PIK3C2B: variants seen among roughly 807,000 people sequenced by gnomAD.
PIK3C2B encodes the protein phosphatidylinositol 4-phosphate 3-kinase C2 domain-containing subunit beta.
Under a neutral mutation model 184.3 loss-of-function variants are expected in PIK3C2B, and 83 were observed. The ratio of observed to expected loss-of-function variants is 0.45; its 90% CI spans 0.38 to 0.54. The LOEUF (loss-of-function observed/expected upper bound fraction) is 0.54, where lower values mean the gene tolerates loss of function less well. PIK3C2B is among the 20% of genes least tolerant of loss of function. PIK3C2B has a pLI of 0.00. For missense variants in PIK3C2B, 1,736 were observed against 2,113.5 expected (o/e 0.82, Z 3.50); for synonymous variants, 779 against 837.6 (o/e 0.93, Z 1.21).
rs781191472 is a variant in PIK3C2B, at chr1:204,446,063, G to A, written c.2571C>T (p.Leu857=). The change falls in exon 16 of 33, where the codon CTC becomes CTT. Residue 857 remains leucine (L), a synonymous_variant. Transcript: ENST00000684373. ...HSEVSSLPLV[L]ASAPSWEWAC... ...CCCACTCCCAGCTGGGGGCGCTGGC[G>A]AGCACCAGGGGGAGCGAGCTCACCT... The A allele has an allele frequency of 1.2e-5, 20 of 1,600,842 alleles. No homozygotes were observed. Among genetic ancestry groups the A allele is most frequent in the East Asian group, 2.3e-5 (1 of 44,410 alleles).
chr1:204,461,669 G>A (rs147868041), intron 5 of PIK3C2B, among the ~76,000 whole-genome samples: 6 of 152,256 alleles, frequency 3.9e-5, no homozygotes, highest in East Asian at 1.9e-4. Context: ...CCAAATCTCC[G>A]ATCTAGACCC....
In PIK3C2B at chr1:204,449,283, C is replaced by T. The variant is rs114917235; in HGVS notation, c.2248G>A (p.Gly750Ser). 1,079 of 1,610,920 alleles carry T rather than the reference C, an allele frequency of 6.7e-4. 3 individuals are homozygous for T. Among genetic ancestry groups the T allele is most frequent in the Admixed American group, 1.7e-3 (102 of 59,574 alleles). Residue 750 changes from glycine to serine, a missense_variant, in exon 14 of 33, where the codon GGC becomes AGC. Gly to Ser is a moderately conservative substitution (Grantham distance 56). Transcript: ENST00000684373. ...GGCCACAAACCCAGAAGCTTCCGGC[C>T]ACAGGTCAGGACCCTAAGAAGGAGG... Reference protein sequence around the residue: ...LFNFRQVLTCGRKLLGLWPAT... With the variant: ...LFNFRQVLTCSRKLLGLWPAT...
At chr1:204,457,217 ATGGTTTG>A in intron 9 of PIK3C2B, 147 bp from the exon 10 acceptor site, 1 of 677,938 alleles carries the variant, frequency 1.5e-6, no homozygotes, top group Non-Finnish European at 2.6e-6. Flanking sequence ...GGAGAGAGTA[ATGGTTTG>A]TACCAGATCT....
At position 204,469,565 on chromosome 1, in the gene PIK3C2B, G is replaced by A. The variant is rs1008605326; in HGVS notation, c.238C>T (p.Leu80=). The part of the protein sequence containing the change: ...KPAGRRTDLK[L]LRGLSGSDPT... ...TCAGAGCCAGAGAGACCGCGTAACAGCTTGAGGTCGGTCCGCCTTCCTGCT... is the reference window on the plus strand; with the variant it reads ...TCAGAGCCAGAGAGACCGCGTAACAACTTGAGGTCGGTCCGCCTTCCTGCT... The change falls in exon 2 of 33, where the codon CTG becomes TTG. Residue 80 remains leucine, a synonymous_variant. Coordinates refer to ENST00000684373, the MANE Select transcript of PIK3C2B (RefSeq NM_001377334.1). 33 of 1,593,148 alleles carry A rather than the reference G, an allele frequency of 2.1e-5. No individual in the cohort carries two copies. The highest frequency in any genetic ancestry group is 2.6e-5 in the Non-Finnish European group (30 of 1,168,868).
At chr1:204,455,833 C>A in intron 11 of PIK3C2B, 23 bp downstream of exon 11, 2 of 1,581,416 alleles carry the variant, frequency 1.3e-6, no homozygotes, top group Non-Finnish European at 1.7e-6. Flanking sequence ...TGCTCCCTAG[C>A]GGCTACTCAG....
At position 204,447,565 on chromosome 1, in the gene PIK3C2B, G is replaced by T. The variant is rs1653986620; in HGVS notation, c.2360C>A (p.Thr787Asn). 6.2e-7 allele frequency: 1 copy of T among 1,609,444 alleles called. No homozygotes were observed. The highest frequency in any genetic ancestry group is 8.5e-7 in the Non-Finnish European group (1 of 1,178,936). Reference sequence around the variant, plus strand: ...GGTGAACTTGATGTCAAAGGCCGAGGTGGGGAAGTCAATCTGGGGGATGAG... The same window carrying T: ...GGTGAACTTGATGTCAAAGGCCGAGTTGGGGAAGTCAATCTGGGGGATGAG... ...DSVILQIDFP[T>N]SAFDIKFTSP... The change falls in exon 15 of 33, where the codon ACC becomes AAC. Residue 787 changes from threonine (T) to asparagine (N), a missense_variant. By Grantham distance (65) the Thr-to-Asn change is moderately conservative. Coordinates refer to ENST00000684373, the MANE Select transcript of PIK3C2B (RefSeq NM_001377334.1). The surrounding 1 kb of genome is among the most constrained non-coding windows in gnomAD (Gnocchi z 4.1).
At chr1:204,485,917 A>G (rs1165103174) in intron 1 of PIK3C2B, among the ~76,000 whole-genome samples, 1 of 152,128 alleles carries the variant, frequency 6.6e-6, no homozygotes, top group East Asian at 1.9e-4. Context: ...CAGTGCCTGC[A>G]CATCCCCCAT....
In PIK3C2B at chr1:204,432,204, C is replaced by A. The variant is rs1675098935; in HGVS notation, c.4151G>T (p.Gly1384Val). Residue 1384 changes from glycine (G) to valine (V), a missense_variant, in exon 27 of 33, where the codon GGC becomes GTC. Gly to Val is a moderately radical substitution (Grantham distance 109). This residue lies in a region of PIK3C2B where 200 missense variants were observed against 199.1 expected (regional missense o/e 1.00). Coordinates refer to ENST00000684373, the MANE Select transcript of PIK3C2B (RefSeq NM_001377334.1). ...CAGATTGGAGAAAACACTTACATAG[C>A]CTTTGTTGGGGTGGAAGATCTTCTC... Reference protein sequence around the residue: ...RHEKIFHPNKGYIYVVKVMRE... With the variant: ...RHEKIFHPNKVYIYVVKVMRE... The A allele has an allele frequency of 6.2e-7, 1 of 1,613,542 alleles. No individual in the cohort carries two copies. Among genetic ancestry groups the A allele is most frequent in the East Asian group, 2.2e-5 (1 of 44,868 alleles).
At chr1:204,456,959 A>G (rs916791881) in intron 10 of PIK3C2B, 78 bp downstream of exon 10, 12 of 1,220,850 alleles carry the variant, frequency 9.8e-6, no homozygotes, top group Non-Finnish European at 7.0e-6. Flanking sequence ...CAAGGGGCCC[A>G]GGCAGAAAAA....
At chr1:204,463,022 C>T (rs1441854636) in intron 5 of PIK3C2B, among the ~76,000 whole-genome samples, 1 of 152,148 alleles carries the variant, frequency 6.6e-6, no homozygotes, top group Non-Finnish European at 1.5e-5. Flanking sequence ...GATGGCGCCA[C>T]AGCACTCCAG....
At chr1:204,475,597 C>G (rs949891743) in intron 1 of PIK3C2B, among the ~76,000 whole-genome samples, 5 of 152,190 alleles carry the variant, frequency 3.3e-5, no homozygotes, top group South Asian at 2.1e-4. Flanking sequence ...GGATTGGCAT[C>G]TGTAAGGCAG....
At chr1:204,441,328 CT>C in intron 21 of PIK3C2B, 142 bp downstream of exon 21, 5 of 573,444 alleles carry the variant, frequency 8.7e-6, no homozygotes, top group East Asian at 2.9e-5. Context: ...CATCTAAATC[CT>C]TTTTCACCTG....
intron 22 of PIK3C2B, among the ~76,000 whole-genome samples, chr1:204,439,545 T>C (rs926556792): frequency 7.9e-5 from 12 of 152,202 alleles, no homozygotes; most frequent in African/African-American, 2.7e-4. Context: ...CACCATGCCA[T>C]TGTCACATCC....
chr1:204,452,391 C>CA (rs1325319400), intron 12 of PIK3C2B, among the ~76,000 whole-genome samples: 5 of 149,066 alleles, frequency 3.4e-5, no homozygotes, highest in African/African-American at 1.2e-4. Context: ...GATTCTCCCA[C>CA]CTCAGCCTCC....
chr1:204,463,570 G>A (rs887083544), intron 5 of PIK3C2B, among the ~76,000 whole-genome samples: 1 of 152,128 alleles, frequency 6.6e-6, no homozygotes, highest in East Asian at 1.9e-4. Context: ...AATGGGGAGA[G>A]ACAGTAATTG....
At chr1:204,473,650 C>T (rs1183878237) in intron 1 of PIK3C2B, among the ~76,000 whole-genome samples, 1 of 151,874 alleles carries the variant, frequency 6.6e-6, no homozygotes, top group African/African-American at 2.4e-5. Flanking sequence ...TTTGCCTTAG[C>T]AGGCACTATT....
chr1:204,476,867 A>C (rs1346559882), intron 1 of PIK3C2B, among the ~76,000 whole-genome samples: 1 of 152,212 alleles, frequency 6.6e-6, no homozygotes, highest in Non-Finnish European at 1.5e-5. Flanking sequence ...GTTCTCTCCT[A>C]ATGTCCACCT....
chr1:204,445,411 T>C (rs903170750), intron 16 of PIK3C2B, among the ~76,000 whole-genome samples: 4 of 151,952 alleles, frequency 2.6e-5, no homozygotes, highest in Admixed American at 6.6e-5. Context: ...CTGGGCAACA[T>C]AGTGAGACTT....
chr1:204,462,402 C>G (rs774321301), intron 5 of PIK3C2B, among the ~76,000 whole-genome samples: 65 of 152,232 alleles, frequency 4.3e-4, no homozygotes, highest in Admixed American at 1.3e-4. Flanking sequence ...ATTTCACCCT[C>G]ACTGCAGCTT....
Sources: allele counts gnomAD v4.1 joint callset (sites outside exome capture counted in the v4.1 genomes callset), GRCh38; gene constraint gnomAD v4.1.1; regional missense constraint gnomAD v4.1.1; non-coding constraint Gnocchi (gnomAD v3.1); transcripts MANE v1.5; gene names NCBI Gene and HGNC (gene_info 2026-07-23, HGNC 2026-07-21).